The following COL25A1 variants were observed in gnomAD, a reference collection of about 807,000 sequenced individuals.
The protein encoded by COL25A1 is collagen type XXV alpha 1 chain, also known as collagen alpha-1(XXV) chain.
Under a neutral mutation model 128.4 loss-of-function variants are expected in COL25A1, and 103 were observed. The observed-to-expected ratio is 0.80, with a 90% CI of 0.68 to 0.94. The LOEUF (loss-of-function observed/expected upper bound fraction) is 0.94, where lower values mean the gene tolerates loss of function less well. COL25A1 is among the 40% of genes least tolerant of loss of function. The pLI, the probability that COL25A1 is intolerant of heterozygous loss-of-function variation, is 0.00. For synonymous variants in COL25A1, 279 were observed against 277.2 expected, an observed-to-expected ratio of 1.01 and a Z score of -0.06; for missense variants, 745 against 840.0, an observed-to-expected ratio of 0.89 and a Z score of 1.40.
intron 6 of COL25A1, among the ~76,000 whole-genome samples, chr4:109,000,616 C>A (rs1755250575): frequency 6.6e-6 from 1 of 151,680 alleles, no homozygotes; most frequent in Non-Finnish European, 1.5e-5. Context: ...CATGATGGCA[C>A]AAACCTGTAA....
At chr4:109,057,421 A>ATTTTTTTTTGTTT (rs1761547791) in intron 3 of COL25A1, among the ~76,000 whole-genome samples, 1 of 20,238 alleles carries the variant, frequency 4.9e-5, no homozygotes, top group African/African-American at 1.7e-4. Flanking sequence ...TGCCTAGCTA[A>ATTTTTTTTTGTTT]TTTTTTTTTT....
chr4:109,001,372 C>CAGGCATCTGAGATCATGTCAGGT (rs1755350363), intron 6 of COL25A1, among the ~76,000 whole-genome samples: 5 of 24,230 alleles, frequency 2.1e-4, no homozygotes, highest in Admixed American at 5.8e-4. Flanking sequence ...TTAAAAGAAA[C>CAGGCATCTGAGATCATGTCAGGT]AGGCATCTGA....
At chr4:109,065,545 C>CGCGCGCGTGTGT (rs771855567) in intron 3 of COL25A1, among the ~76,000 whole-genome samples, 4 of 141,132 alleles carry the variant, frequency 2.8e-5, no homozygotes, top group African/African-American at 1.1e-4. Flanking sequence ...CGCGCGCGCG[C>CGCGCGCGTGTGT]GTGTGTGTGT....
chr4:108,853,319 C>T (rs754227565), intron 24 of COL25A1, among the ~76,000 whole-genome samples: 1 of 151,932 alleles, frequency 6.6e-6, no homozygotes, highest in Non-Finnish European at 1.5e-5. Flanking sequence ...TACCCAATTG[C>T]ATATTTTTTC....
intron 32 of COL25A1, among the ~76,000 whole-genome samples, chr4:108,831,331 C>T (rs766848135): frequency 3.3e-5 from 5 of 151,930 alleles, no homozygotes; most frequent in African/African-American, 1.2e-4. Flanking sequence ...CTAGTAATAC[C>T]ATGCTTTGCA....
At chr4:108,831,779 C>T (rs1733150933) in intron 32 of COL25A1, among the ~76,000 whole-genome samples, 1 of 151,602 alleles carries the variant, frequency 6.6e-6, no homozygotes, top group Non-Finnish European at 1.5e-5. Context: ...ATCTTCCATT[C>T]TGAATGTCTT....
chr4:109,208,032 G>T (rs2126191360), intron 3 of COL25A1, among the ~76,000 whole-genome samples: 1 of 152,260 alleles, frequency 6.6e-6, no homozygotes, highest in African/African-American at 2.4e-5. Flanking sequence ...AGGTTGTCCT[G>T]CAGCTTAACA....
intron 5 of COL25A1, among the ~76,000 whole-genome samples, chr4:109,024,248 G>C (rs1026870159): frequency 1.6e-5 from 2 of 123,238 alleles, no homozygotes; most frequent in African/African-American, 8.0e-5. Context: ...ACTTACTCTG[G>C]ATTTATTGGG....
chr4:108,868,567 A>AAGAG (rs749346428), intron 20 of COL25A1, among the ~76,000 whole-genome samples: 1 of 150,188 alleles, frequency 6.7e-6, no homozygotes, highest in African/African-American at 2.5e-5. Context: ...AAGAAAGAGA[A>AAGAG]AGAGAGAGAG....
At chr4:109,044,875 G>T (rs1200165702) in intron 5 of COL25A1, among the ~76,000 whole-genome samples, 1 of 152,162 alleles carries the variant, frequency 6.6e-6, no homozygotes, top group Admixed American at 6.5e-5. Flanking sequence ...TACAGAAACT[G>T]TCAGATTTTA....
intron 26 of COL25A1, among the ~76,000 whole-genome samples, 173 bp from the exon 27 acceptor site, chr4:108,848,976 C>T (rs1309253286): frequency 4.6e-5 from 7 of 152,122 alleles, no homozygotes; most frequent in Non-Finnish European, 7.4e-5. Flanking sequence ...AATAATCTTT[C>T]TTCAAGATTA....
chr4:109,250,499 G>A (rs180817752), intron 3 of COL25A1, among the ~76,000 whole-genome samples: 2 of 151,950 alleles, frequency 1.3e-5, no homozygotes, highest in South Asian at 4.1e-4. Flanking sequence ...GAACCAAAAG[G>A]GCCAATGGTA....
chr4:108,966,158 G>C (rs1019982242), intron 8 of COL25A1, among the ~76,000 whole-genome samples: 2 of 152,048 alleles, frequency 1.3e-5, no homozygotes, highest in African/African-American at 4.8e-5. Context: ...TGAGTTCTAA[G>C]GTATTACTCA....
chr4:108,928,292 T>G (rs1443708782), intron 11 of COL25A1, among the ~76,000 whole-genome samples: 1 of 152,204 alleles, frequency 6.6e-6, no homozygotes, highest in African/African-American at 2.4e-5. Context: ...CAGAAAAAGT[T>G]CTTAAATTTA....
chr4:108,967,753 T>C (rs932753604), intron 8 of COL25A1, among the ~76,000 whole-genome samples: 5 of 152,158 alleles, frequency 3.3e-5, no homozygotes, highest in African/African-American at 1.2e-4. Flanking sequence ...GACTAAGCTA[T>C]AGGCAATTAT....
chr4:108,988,571 C>G (rs1454496474), intron 6 of COL25A1, among the ~76,000 whole-genome samples: 2 of 152,168 alleles, frequency 1.3e-5, no homozygotes, highest in Non-Finnish European at 2.9e-5. Flanking sequence ...AAATGTTTTT[C>G]TCATATCTCA....
At position 109,007,241 on chromosome 4, in the gene COL25A1, G is replaced by A. The variant is rs553407733; in HGVS notation, c.438+3117C>T. Among the ~76,000 whole-genome samples the A allele has an allele frequency of 1.3e-4, 20 of 152,214 alleles. No individual in the cohort carries two copies. In the South Asian group the frequency reaches 3.5e-3, roughly 27 times the overall value. On this transcript the variant is annotated intron_variant, in intron 6 of 37. Transcript: ENST00000399132. ...GAAAACAAAATATACAGATGGATAG[G>A]AGCCTATATAAAATTCATCTATAAT...
intron 13 of COL25A1, among the ~76,000 whole-genome samples, chr4:108,905,069 T>C (rs1743313751): frequency 6.6e-6 from 1 of 152,198 alleles, no homozygotes; most frequent in Non-Finnish European, 1.5e-5. Context: ...TCAAAGGAAG[T>C]AGGTCATCTA....
chr4:109,238,011 C>T (rs573374643), intron 3 of COL25A1, among the ~76,000 whole-genome samples: 1 of 152,068 alleles, frequency 6.6e-6, no homozygotes, highest in African/African-American at 2.4e-5. Flanking sequence ...CTTTTTTAAG[C>T]CTATATGATA....
Sources: gnomAD v4.1 joint callset for allele counts (sites outside exome capture counted in the v4.1 genomes callset) on GRCh38, gnomAD v4.1.1 for gene constraint, MANE v1.5 for transcripts, NCBI Gene and HGNC (gene_info 2026-07-23, HGNC 2026-07-21) for gene names.